The following ARHGAP15 variants were observed in gnomAD, a reference collection of about 807,000 sequenced individuals.
ARHGAP15 encodes the protein rho GTPase-activating protein 15.
In ARHGAP15, 51 loss-of-function variants were observed where a neutral mutation model predicts 63.7. That is an observed-to-expected ratio of 0.80 (90% CI 0.64 to 1.01). ARHGAP15 has a LOEUF of 1.01. ARHGAP15 is among the 50% of genes least tolerant of loss of function. The pLI is 0.00. For missense variants in ARHGAP15, 560 were observed against 564.6 expected (o/e 0.99, Z 0.08); for synonymous variants, 191 against 193.8 (o/e 0.99, Z 0.12).
chr2:143,155,581 G>A lies in ARHGAP15; in HGVS notation c.91G>A (p.Ala31Thr), dbSNP rs77091978. The A allele has an allele frequency of 1.9e-6, 3 of 1,609,306 alleles. No individual in the cohort carries two copies. The highest frequency in any genetic ancestry group is 3.4e-5 in the Admixed American group (2 of 58,964). ...TGAVQMRIKN[A>T]NSHHDRLSQS... ...AGCTGTGCAAATGAGAATCAAAAAT[G>A]CCAACAGCCACCATGACAGGCTCAG... is the stretch of plus-strand genomic sequence containing the variant. Residue 31 changes from alanine to threonine, a missense_variant, in exon 2 of 14, where the codon GCC (alanine) becomes ACC (threonine). Transcript: ENST00000295095.
chr2:143,520,497 C>A (rs1694014798), intron 10 of ARHGAP15, among the ~76,000 whole-genome samples: 1 of 152,036 alleles, frequency 6.6e-6, no homozygotes, highest in South Asian at 2.1e-4. Context: ...GAAAGCATAT[C>A]AACACATCAG....
intron 6 of ARHGAP15, among the ~76,000 whole-genome samples, chr2:143,293,618 T>C (rs150784560): frequency 0.011 from 1,725 of 152,222 alleles, 26 homozygotes; most frequent in South Asian, 0.096. Flanking sequence ...GTGTCAAAGA[T>C]GTCAGGCTTT....
At chr2:143,696,184 A>C (rs934578683) in intron 12 of ARHGAP15, among the ~76,000 whole-genome samples, 1 of 146,140 alleles carries the variant, frequency 6.8e-6, no homozygotes, top group African/African-American at 2.8e-5. Context: ...AGTTAGAAGA[A>C]AGACATAAAC....
At chr2:143,671,605 A>T (rs1350271172) in intron 12 of ARHGAP15, among the ~76,000 whole-genome samples, 5 of 152,186 alleles carry the variant, frequency 3.3e-5, no homozygotes, top group African/African-American at 1.2e-4. Flanking sequence ...AAAAAAAGTC[A>T]TTGCATTTAC....
At chr2:143,216,557 A>T in intron 4 of ARHGAP15, 112 bp downstream of exon 4, 1 of 710,060 alleles carries the variant, frequency 1.4e-6, no homozygotes, top group Non-Finnish European at 2.4e-6. Flanking sequence ...AGACTAGAAC[A>T]GTCTCCTCTG....
chr2:143,143,395 T>C (rs1689449762), intron 1 of ARHGAP15, among the ~76,000 whole-genome samples: 1 of 150,110 alleles, frequency 6.7e-6, no homozygotes, highest in African/African-American at 2.4e-5. Context: ...AGAAAAGGAT[T>C]GAAAAACTCA....
At chr2:143,376,002 TACAC>T (rs777446456) in intron 6 of ARHGAP15, among the ~76,000 whole-genome samples, 3 of 152,150 alleles carry the variant, frequency 2.0e-5, no homozygotes, top group Non-Finnish European at 4.4e-5. Flanking sequence ...AACAAACAAA[TACAC>T]ACGCATGTGG....
intron 2 of ARHGAP15, among the ~76,000 whole-genome samples, chr2:143,156,311 C>T (rs2105011582): frequency 6.6e-6 from 1 of 151,984 alleles, no homozygotes; most frequent in African/African-American, 2.4e-5. Context: ...TGAGTCTCCT[C>T]TGGTTAATTT....
intron 8 of ARHGAP15, among the ~76,000 whole-genome samples, chr2:143,479,182 C>T (rs1691960554): frequency 6.6e-6 from 1 of 152,176 alleles, no homozygotes; most frequent in African/African-American, 2.4e-5. Flanking sequence ...AATCTGAGTC[C>T]ATACATCAGT....
chr2:143,540,623 C>A (rs1197295898), intron 10 of ARHGAP15, among the ~76,000 whole-genome samples: 1 of 152,242 alleles, frequency 6.6e-6, no homozygotes, highest in East Asian at 1.9e-4. Context: ...TTTTATTTCT[C>A]CTTCCCTTAT....
intron 13 of ARHGAP15, among the ~76,000 whole-genome samples, chr2:143,762,843 G>A (rs1053274006): frequency 6.6e-6 from 1 of 152,026 alleles, no homozygotes; most frequent in South Asian, 2.1e-4. Flanking sequence ...TCAGAGAAAT[G>A]GTGTTTTACA....
chr2:143,581,440 C>T (rs576627651), intron 11 of ARHGAP15, among the ~76,000 whole-genome samples: 94 of 152,212 alleles, frequency 6.2e-4, no homozygotes, highest in African/African-American at 2.2e-3. Context: ...CCTTCAAAAT[C>T]AAGCTAATAT....
chr2:143,616,978 CT>C (rs1414523138), intron 11 of ARHGAP15, among the ~76,000 whole-genome samples: 1 of 152,170 alleles, frequency 6.6e-6, no homozygotes, highest in Non-Finnish European at 1.5e-5. Flanking sequence ...AATATTTCCA[CT>C]TTAGACATAG....
At chr2:143,311,954 C>A (rs930991751) in intron 6 of ARHGAP15, among the ~76,000 whole-genome samples, 2 of 152,106 alleles carry the variant, frequency 1.3e-5, no homozygotes, top group African/African-American at 2.4e-5. Context: ...GCATTGTGGG[C>A]CTTCCTTTTT....
intron 5 of ARHGAP15, among the ~76,000 whole-genome samples, chr2:143,246,348 C>T (rs1558838502): frequency 6.6e-6 from 1 of 151,834 alleles, no homozygotes; most frequent in Non-Finnish European, 1.5e-5. Flanking sequence ...TTGGATTACA[C>T]AGACTAAGTA....
At chr2:143,488,822 A>G (rs1216547769) in intron 9 of ARHGAP15, among the ~76,000 whole-genome samples, 1 of 152,234 alleles carries the variant, frequency 6.6e-6, no homozygotes. Context: ...AAGCATACAC[A>G]TTACTAATAG....
chr2:143,216,369 G>A lies in ARHGAP15; in HGVS notation c.235-15G>A, dbSNP rs755942540. 45 of 1,602,958 alleles carry A rather than the reference G, an allele frequency of 2.8e-5. No homozygotes were observed. The highest frequency in any genetic ancestry group is 3.7e-5 in the Non-Finnish European group (43 of 1,172,384). On this transcript the variant is annotated splice_polypyrimidine_tract_variant and intron_variant, in intron 3 of 13. Transcript: ENST00000295095. ...GTAGTTTGTCACGGTTTTAACATAT[G>A]CATTCTTCTTGCAGATGGTTGAAAA... is the stretch of plus-strand genomic sequence containing the variant.
intron 6 of ARHGAP15, among the ~76,000 whole-genome samples, chr2:143,416,818 A>ACCCCCCCCCCCCCCCCCCC (rs1558957067): frequency 2.1e-5 from 2 of 96,512 alleles, no homozygotes; most frequent in African/African-American, 8.4e-5. Context: ...CACTTCCCCC[A>ACCCCCCCCCCCCCCCCCCC]CCACCCCCCC....
At chr2:143,525,886 A>G (rs982151757) in intron 10 of ARHGAP15, among the ~76,000 whole-genome samples, 14 of 152,198 alleles carry the variant, frequency 9.2e-5, no homozygotes. Context: ...GCGGGGGAAA[A>G]GCTGCATTTT....
Sources: allele counts gnomAD v4.1 joint callset (sites outside exome capture counted in the v4.1 genomes callset), GRCh38; gene constraint gnomAD v4.1.1; transcripts MANE v1.5; gene names NCBI Gene and HGNC (gene_info 2026-07-23, HGNC 2026-07-21).